Variants in TRPS1 observed in about 807,000 individuals in gnomAD.
TRPS1 encodes transcriptional repressor GATA binding 1.
TRPS1 carries 6 observed loss-of-function variants against 101.2 expected under a neutral mutation model. The observed-to-expected ratio is 0.06, with a 90% confidence interval of 0.03 to 0.12. TRPS1 has a LOEUF of 0.12. Ranked by LOEUF, TRPS1 falls within the 10% of genes least tolerant of loss-of-function variation. The probability of loss-of-function intolerance (pLI) is 1.00; values close to 1 mark genes in which losing one functional copy is unlikely to be tolerated. For synonymous variants in TRPS1, 578 were observed against 589.8 expected (o/e 0.98, Z 0.29); for missense variants, 1,363 against 1,567.0 (o/e 0.87, Z 2.20).
At position 115,414,431 on chromosome 8, in the gene TRPS1, G is replaced by A. The variant is rs565639429; in HGVS notation, c.3477C>T (p.Thr1159=). The A allele has an allele frequency of 5.0e-6, 8 of 1,613,992 alleles. No individual in the cohort carries two copies. The Admixed American group carries it at 1.2e-4, about 24-fold the overall frequency. The part of the protein sequence containing the change: ...NPCQNYVPYP[T]FNLPPHFSAV... ...CTGAAAAATGAGGAGGCAGATTGAA[G>A]GTGGGATAAGGCACATAGTTTTGGC... Residue 1159 remains threonine (T), a synonymous_variant, in exon 7 of 7, where the codon ACC becomes ACT. Coordinates refer to ENST00000395715, the MANE Select transcript of TRPS1 (RefSeq NM_014112.5). This position sits in a 1 kb window ranked among gnomAD's most constrained non-coding sequence, Gnocchi z 4.8.
intron 4 of TRPS1, among the ~76,000 whole-genome samples, chr8:115,593,645 T>C (rs1817727420): frequency 6.6e-6 from 1 of 152,202 alleles, no homozygotes; most frequent in Non-Finnish European, 1.5e-5. Flanking sequence ...AATAAAAGTT[T>C]AGTCATTGTG....
intron 5 of TRPS1, among the ~76,000 whole-genome samples, chr8:115,488,743 G>A (rs1314544766): frequency 6.6e-6 from 1 of 152,040 alleles, no homozygotes; most frequent in African/African-American, 2.4e-5. Context: ...ATCTTTTAGA[G>A]ACCACATTTT....
chr8:115,600,423 TTTAA>T (rs926687929), intron 4 of TRPS1, among the ~76,000 whole-genome samples: 3 of 152,176 alleles, frequency 2.0e-5, no homozygotes, highest in Non-Finnish European at 2.9e-5. Context: ...CAAATTTGTG[TTTAA>T]TTATGCCAGA....
At chr8:115,493,751 G>T (rs1815086028) in intron 5 of TRPS1, among the ~76,000 whole-genome samples, 2 of 152,086 alleles carry the variant, frequency 1.3e-5, no homozygotes, top group Non-Finnish European at 2.9e-5. Context: ...TTGACTTAAA[G>T]ATTTGCAATT....
chr8:115,656,953 G>A (rs1811689884), intron 1 of TRPS1, among the ~76,000 whole-genome samples: 1 of 152,014 alleles, frequency 6.6e-6, no homozygotes. Context: ...AAAATCAATG[G>A]ACTTCAAGTA....
chr8:115,631,255 G>A (rs1818634949), intron 1 of TRPS1, among the ~76,000 whole-genome samples: 2 of 152,050 alleles, frequency 1.3e-5, no homozygotes, highest in East Asian at 1.9e-4. Flanking sequence ...TATGTTTTAG[G>A]CTACCCCTCT....
At chr8:115,633,447 C>T (rs908700267) in intron 1 of TRPS1, among the ~76,000 whole-genome samples, 3 of 152,048 alleles carry the variant, frequency 2.0e-5, no homozygotes, top group South Asian at 2.1e-4. Flanking sequence ...GGATGCACTA[C>T]CTTGATTATA....
chr8:115,424,970 C>A (rs1011948219), intron 5 of TRPS1, among the ~76,000 whole-genome samples: 2 of 152,148 alleles, frequency 1.3e-5, no homozygotes, highest in African/African-American at 4.8e-5. Flanking sequence ...CTCTTCCCCT[C>A]CAAAATAGAA....
intron 5 of TRPS1, among the ~76,000 whole-genome samples, chr8:115,495,914 T>C (rs1242677353): frequency 6.6e-6 from 1 of 152,140 alleles, no homozygotes; most frequent in Non-Finnish European, 1.5e-5. Context: ...ATTAGACATC[T>C]TCAAAAAGGG....
At chr8:115,574,655 T>C (rs1817276303) in intron 5 of TRPS1, among the ~76,000 whole-genome samples, 1 of 152,072 alleles carries the variant, frequency 6.6e-6, no homozygotes, top group East Asian at 1.9e-4. Context: ...CTTCACTGAG[T>C]AGTTACTGGC....
At chr8:115,424,802 C>A (rs1232331072) in intron 5 of TRPS1, among the ~76,000 whole-genome samples, 2 of 152,292 alleles carry the variant, frequency 1.3e-5, no homozygotes, top group East Asian at 1.9e-4. Context: ...CTATTAATTA[C>A]CAATAGAGTT....
intron 5 of TRPS1, among the ~76,000 whole-genome samples, chr8:115,423,727 T>C (rs1563721293): frequency 1.3e-5 from 2 of 152,220 alleles, no homozygotes; most frequent in African/African-American, 4.8e-5. Context: ...AGTTTTGCTT[T>C]TGGGAGACTT....
intron 5 of TRPS1, among the ~76,000 whole-genome samples, chr8:115,420,991 T>C (rs1383864798): frequency 3.3e-5 from 5 of 150,166 alleles, no homozygotes; most frequent in Non-Finnish European, 7.4e-5. Context: ...TGTGATTCTT[T>C]TTTTTTTTTT....
intron 5 of TRPS1, among the ~76,000 whole-genome samples, chr8:115,568,153 C>T (rs779080898): frequency 3.4e-4 from 52 of 151,980 alleles, no homozygotes; most frequent in Non-Finnish European, 7.1e-4. Context: ...AGGCAGATAC[C>T]ATGTATTATT....
At chr8:115,550,793 A>G (rs1816686457) in intron 5 of TRPS1, among the ~76,000 whole-genome samples, 2 of 152,336 alleles carry the variant, frequency 1.3e-5, no homozygotes, top group Non-Finnish European at 1.5e-5. Flanking sequence ...GTTAAGTTTA[A>G]CCAACTTTTA....
intron 1 of TRPS1, among the ~76,000 whole-genome samples, chr8:115,630,213 CAT>C (rs1818608311): frequency 1.3e-5 from 2 of 151,972 alleles, no homozygotes; most frequent in South Asian, 4.1e-4. Flanking sequence ...TACACATTCA[CAT>C]ATGAGAGGAA....
chr8:115,519,654 T>A lies in TRPS1; in HGVS notation c.2700+67347A>T, dbSNP rs1275416770. On this transcript the variant is annotated intron_variant, in intron 5 of 6. Transcript: ENST00000395715. The stretch of plus-strand genomic sequence containing the variant: ...GAAAATACAGGATACATAAAAATAT[T>A]TTCTGTATTATAACTTTAAATTCAA... Among the ~76,000 whole-genome samples, 3 of 151,518 alleles carry A rather than the reference T, an allele frequency of 2.0e-5. No individual in the cohort carries two copies. In the East Asian group the frequency reaches 5.8e-4, roughly 29 times the overall value.
chr8:115,504,164 C>G (rs1168082520), intron 5 of TRPS1, among the ~76,000 whole-genome samples: 1 of 152,154 alleles, frequency 6.6e-6, no homozygotes, highest in Non-Finnish European at 1.5e-5. Flanking sequence ...AACACTCCAA[C>G]TTCAGAAATG....
chr8:115,420,837 T>C (rs1387015691), intron 5 of TRPS1, among the ~76,000 whole-genome samples: 4 of 152,198 alleles, frequency 2.6e-5, no homozygotes, highest in Non-Finnish European at 5.9e-5. Context: ...TCAGAGTCAG[T>C]AGAGCTTGGA....
Sources: allele counts gnomAD v4.1 joint callset (sites outside exome capture counted in the v4.1 genomes callset), GRCh38; gene constraint gnomAD v4.1.1; non-coding constraint Gnocchi (gnomAD v3.1); transcripts MANE v1.5; gene names NCBI Gene and HGNC (gene_info 2026-07-23, HGNC 2026-07-21).